The following NEK1 variants were observed in gnomAD, a reference collection of about 807,000 sequenced individuals.
The protein encoded by NEK1 is serine/threonine-protein kinase Nek1.
A neutral mutation model predicts 182.1 loss-of-function variants in NEK1; 137 were observed. That is an observed-to-expected ratio of 0.75 (90% CI 0.65 to 0.87). NEK1 has a LOEUF of 0.87. Among genes scored for constraint, NEK1 ranks in the 40% least tolerant of loss-of-function variants. The pLI is 0.00. For missense variants in NEK1, 1,391 were observed against 1,494.4 expected (o/e 0.93, Z 1.14); for synonymous variants, 513 against 492.2 (o/e 1.04, Z -0.56).
intron 18 of NEK1, among the ~76,000 whole-genome samples, chr4:169,540,165 T>C (rs1759177892): frequency 6.6e-6 from 1 of 152,148 alleles, no homozygotes; most frequent in South Asian, 2.1e-4. Flanking sequence ...AGTGCTTTTG[T>C]TTAACACTAA....
chr4:169,523,274 G>A (rs1381356183), intron 19 of NEK1, among the ~76,000 whole-genome samples: 2 of 152,186 alleles, frequency 1.3e-5, no homozygotes, highest in African/African-American at 4.8e-5. Context: ...AAATTCATAT[G>A]TTGAAGTCTC....
chr4:169,604,213 TA>T (rs1281221502), intron 2 of NEK1, among the ~76,000 whole-genome samples: 1 of 152,240 alleles, frequency 6.6e-6, no homozygotes, highest in Non-Finnish European at 1.5e-5. Context: ...TTTATATTTC[TA>T]CTTTTAGTAT....
intron 27 of NEK1, among the ~76,000 whole-genome samples, chr4:169,447,396 A>G (rs72973032): frequency 0.11 from 16,912 of 152,248 alleles, 1,018 homozygotes; most frequent in East Asian, 0.17. Flanking sequence ...GACCTGTCCC[A>G]TAAGAAATGC....
intron 4 of NEK1, among the ~76,000 whole-genome samples, chr4:169,599,747 A>C (rs533491722): frequency 3.9e-5 from 6 of 152,250 alleles, no homozygotes; most frequent in African/African-American, 1.4e-4. Flanking sequence ...TGCACTTTTT[A>C]AAAAATTGCA....
In NEK1 at chr4:169,400,635, T is replaced by C; in HGVS notation, c.3600A>G (p.Glu1200=). The C allele has an allele frequency of 6.3e-7, 1 of 1,593,338 alleles. No homozygotes were observed. The highest frequency in any genetic ancestry group is 8.6e-7 in the Non-Finnish European group (1 of 1,169,170). Residue 1200 remains glutamate (E), a synonymous_variant, in exon 34 of 36, where the codon GAA becomes GAG. Transcript: ENST00000507142. ...TATCGCATTCACATTCACTAGCAATTTCACCATCACTGTTATCTAAAAAAC... is the reference window on the plus strand; with the variant it reads ...TATCGCATTCACATTCACTAGCAATCTCACCATCACTGTTATCTAAAAAAC... The part of the protein sequence containing the change: ...EEWHSDNSDG[E]IASECECDSV...
intron 19 of NEK1, among the ~76,000 whole-genome samples, chr4:169,523,924 G>A (rs1374021637): frequency 6.6e-6 from 1 of 152,126 alleles, no homozygotes; most frequent in Non-Finnish European, 1.5e-5. Context: ...TTTTCCATTA[G>A]TATAAATAAA....
chr4:169,568,556 T>C (rs1764092564), intron 12 of NEK1, among the ~76,000 whole-genome samples: 3 of 152,232 alleles, frequency 2.0e-5, no homozygotes, highest in Admixed American at 2.0e-4. Flanking sequence ...AAAAAGTATA[T>C]ATAACACTAA....
At chr4:169,519,629 T>G (rs1239087094) in intron 19 of NEK1, among the ~76,000 whole-genome samples, 1 of 91,538 alleles carries the variant, frequency 1.1e-5, no homozygotes, top group Non-Finnish European at 2.2e-5. Flanking sequence ...TGGCATGATT[T>G]TGCAGCGGCT....
chr4:169,556,064 G>A lies in NEK1; in HGVS notation c.1298C>T (p.Ala433Val). ...TCCTCGAGAAGAAAAAGATGATGGAGCTATAGTCCCTCCACTGCCCAGAAA... is the reference window on the plus strand; with the variant it reads ...TCCTCGAGAAGAAAAAGATGATGGAACTATAGTCCCTCCACTGCCCAGAAA... Reference protein sequence around the residue: ...APFLGSGGTIAPSSFSSRGQY... With the variant: ...APFLGSGGTIVPSSFSSRGQY... Residue 433 changes from alanine (A) to valine (V), a missense_variant, in exon 17 of 36, where the codon GCT becomes GTT. By Grantham distance (64) the Ala-to-Val change is moderately conservative. Coordinates refer to ENST00000507142, the MANE Select transcript of NEK1 (RefSeq NM_001199397.3). The A allele has an allele frequency of 6.2e-7, 1 of 1,613,260 alleles. No homozygotes were observed. The highest frequency in any genetic ancestry group is 8.5e-7 in the Non-Finnish European group (1 of 1,179,566).
chr4:169,509,160 G>A (rs1337735767), intron 19 of NEK1, among the ~76,000 whole-genome samples: 1 of 151,960 alleles, frequency 6.6e-6, no homozygotes, highest in African/African-American at 2.4e-5. Context: ...CACTGCTTTG[G>A]AGGTTAAACC....
intron 24 of NEK1, among the ~76,000 whole-genome samples, chr4:169,477,998 C>T (rs1252640690): frequency 6.6e-6 from 1 of 151,958 alleles, no homozygotes; most frequent in Non-Finnish European, 1.5e-5. Flanking sequence ...TGAGAAGTGG[C>T]TTTCCTCCCT....
intron 35 of NEK1, among the ~76,000 whole-genome samples, chr4:169,394,915 C>T (rs1375163500): frequency 6.6e-6 from 1 of 152,100 alleles, no homozygotes; most frequent in Non-Finnish European, 1.5e-5. Flanking sequence ...ATGTTAGAAT[C>T]TAGGTGGTGG....
At chr4:169,470,133 G>C (rs1402314176) in intron 26 of NEK1, among the ~76,000 whole-genome samples, 3 of 152,062 alleles carry the variant, frequency 2.0e-5, no homozygotes, top group African/African-American at 7.2e-5. Context: ...TTACATTTAA[G>C]GTTAATATTG....
At chr4:169,484,214 C>G (rs11945875) in intron 23 of NEK1, among the ~76,000 whole-genome samples, 1 of 151,754 alleles carries the variant, frequency 6.6e-6, no homozygotes, top group African/African-American at 2.4e-5. Context: ...ATGCCCAGCA[C>G]ATTTTTGTAT....
At chr4:169,436,756 T>G (rs1217226648) in intron 28 of NEK1, among the ~76,000 whole-genome samples, 1 of 152,202 alleles carries the variant, frequency 6.6e-6, no homozygotes, top group Non-Finnish European at 1.5e-5. Flanking sequence ...GAAGTCAAGG[T>G]TGTGCACATA....
At chr4:169,492,969 G>C (rs1172064966) in intron 23 of NEK1, among the ~76,000 whole-genome samples, 1 of 152,132 alleles carries the variant, frequency 6.6e-6, no homozygotes, top group Non-Finnish European at 1.5e-5. Context: ...TCGCCAAAGT[G>C]CATGATTGTG....
Position 169,602,687 on chromosome 4 carries a change from AAAGAT to A in NEK1, c.-48-14_-48-10del. The A allele has an allele frequency of 1.1e-6, 1 of 893,900 alleles. No individual in the cohort carries two copies. Among genetic ancestry groups the A allele is most frequent in the Non-Finnish European group, 1.8e-6 (1 of 544,320 alleles). 55.4% of individuals were successfully genotyped at this position (893,900 alleles called of 1,614,324 possible). Reference sequence around the variant, plus strand: ...GCTAGACATTTAAAAAACTAACAAAAAAGATAAAGCATTTATAACATGAGATAAAA... The same window carrying A: ...GCTAGACATTTAAAAAACTAACAAAAAAAGCATTTATAACATGAGATAAAA... On this transcript the variant is annotated splice_polypyrimidine_tract_variant and intron_variant, in intron 2 of 35. Transcript: ENST00000507142.
At chr4:169,440,256 T>C (rs905045601) in intron 27 of NEK1, among the ~76,000 whole-genome samples, 1 of 151,760 alleles carries the variant, frequency 6.6e-6, no homozygotes, top group Non-Finnish European at 1.5e-5. Flanking sequence ...AAATAGTCAA[T>C]AGAATGCAAC....
At chr4:169,563,507 G>A (rs1408692102) in intron 12 of NEK1, among the ~76,000 whole-genome samples, 3 of 151,996 alleles carry the variant, frequency 2.0e-5, no homozygotes, top group South Asian at 2.1e-4. Context: ...GCTTCACCAC[G>A]ATTTTCTAGG....
Sources: gnomAD v4.1 joint callset for allele counts (sites outside exome capture counted in the v4.1 genomes callset) on GRCh38, gnomAD v4.1.1 for gene constraint, MANE v1.5 for transcripts, NCBI Gene and HGNC (gene_info 2026-07-23, HGNC 2026-07-21) for gene names.